The following FBN2 variants were observed in gnomAD, a reference collection of about 807,000 sequenced individuals.
FBN2 encodes fibrillin-2.
FBN2 carries 105 observed loss-of-function variants against 355.6 expected under a neutral mutation model. That is an observed-to-expected ratio of 0.30 (90% CI 0.25 to 0.35). FBN2 has a LOEUF of 0.35. Ranked by LOEUF, FBN2 falls within the 10% of genes least tolerant of loss-of-function variation. The probability of loss-of-function intolerance (pLI) is 1.00; values close to 1 mark genes in which losing one functional copy is unlikely to be tolerated. For missense variants in FBN2, 3,280 were observed against 3,758.7 expected (o/e 0.87, Z 3.33); for synonymous variants, 1,350 against 1,301.2 (o/e 1.04, Z -0.81).
chr5:128,324,567 T>C (rs1750488700), intron 34 of FBN2, among the ~76,000 whole-genome samples: 1 of 152,056 alleles, frequency 6.6e-6, no homozygotes, highest in Non-Finnish European at 1.5e-5. Context: ...CAGGAACAGG[T>C]TGTTCAGTTT....
chr5:128,312,513 C>T, intron 37 of FBN2, 121 bp downstream of exon 37: 1 of 1,038,182 alleles, frequency 9.6e-7, no homozygotes, highest in Non-Finnish European at 1.4e-6. Flanking sequence ...GAAAGTAGTT[C>T]AAATTCAGTT....
At chr5:128,354,958 G>A (rs907318834) in intron 20 of FBN2, among the ~76,000 whole-genome samples, 12 of 152,160 alleles carry the variant, frequency 7.9e-5, no homozygotes, top group African/African-American at 2.9e-4. Flanking sequence ...AAATGTGAGA[G>A]TCAACACAGA....
chr5:128,479,974 CTCTATATATATATATATATATA>C (rs1186359861), intron 5 of FBN2, among the ~76,000 whole-genome samples: 219 of 17,196 alleles, frequency 0.013, no homozygotes, highest in Admixed American at 0.042. Context: ...CTCTCTCTCT[CTCTATATATATATATATATATA>C]TATATATATA....
At chr5:128,341,488 A>G (rs954448944) in intron 25 of FBN2, among the ~76,000 whole-genome samples, 6 of 152,146 alleles carry the variant, frequency 3.9e-5, no homozygotes, top group Admixed American at 1.3e-4. Context: ...CCCGTCAGCT[A>G]TTGGTAGTGT....
chr5:128,432,659 G>A (rs527957337), intron 7 of FBN2, among the ~76,000 whole-genome samples: 6 of 152,212 alleles, frequency 3.9e-5, no homozygotes, highest in South Asian at 2.1e-4. Context: ...TGACTGGCTC[G>A]ATGACTTTAG....
At chr5:128,368,616 T>C (rs1459847903) in intron 16 of FBN2, among the ~76,000 whole-genome samples, 1 of 151,658 alleles carries the variant, frequency 6.6e-6, no homozygotes, top group African/African-American at 2.4e-5. Context: ...GAGGCTATCA[T>C]GTTCATGTAA....
intron 11 of FBN2, among the ~76,000 whole-genome samples, chr5:128,384,498 A>C (rs529159306): frequency 2.6e-5 from 4 of 152,222 alleles, no homozygotes; most frequent in African/African-American, 9.6e-5. Flanking sequence ...TCTGCACAAT[A>C]CTTCCATCAT....
chr5:128,395,104 T>G lies in FBN2; in HGVS notation c.1231+18A>C. ...CTAACAGTGTCTGTGCTGAGGAGAC[T>G]AACAGCCAGCCACGTACCAGAACCT... On this transcript the variant is annotated intron_variant, in intron 9 of 64. Coordinates refer to ENST00000262464, the MANE Select transcript of FBN2 (RefSeq NM_001999.4). 6.2e-7 allele frequency: 1 copy of G among 1,613,938 alleles called. No homozygotes were observed. The highest frequency in any genetic ancestry group is 2.2e-5 in the East Asian group (1 of 44,860).
Position 128,345,346 on chromosome 5 carries a change from C to T in FBN2, c.3217+11G>A. 1 of 1,609,654 alleles carries T rather than the reference C, an allele frequency of 6.2e-7. No individual in the cohort carries two copies. ...TGAAGAAGGACCAAGGCGCTGGCCGCAGGCAGTTACCTTTGTAAAATGGCC... is the reference window on the plus strand; with the variant it reads ...TGAAGAAGGACCAAGGCGCTGGCCGTAGGCAGTTACCTTTGTAAAATGGCC... On this transcript the variant is annotated intron_variant, in intron 24 of 64. Transcript: ENST00000262464.
At chr5:128,302,168 A>C (rs1233146375) in intron 46 of FBN2, among the ~76,000 whole-genome samples, 1 of 152,206 alleles carries the variant, frequency 6.6e-6, no homozygotes, top group African/African-American at 2.4e-5. Context: ...AGAGGAACTT[A>C]TGTTGGGTTA....
chr5:128,482,166 T>C (rs763983076), intron 5 of FBN2, among the ~76,000 whole-genome samples: 10 of 152,054 alleles, frequency 6.6e-5, no homozygotes, highest in Non-Finnish European at 8.8e-5. Flanking sequence ...TGATGAGCTA[T>C]GGAGAGAAAA....
intron 5 of FBN2, among the ~76,000 whole-genome samples, chr5:128,468,644 T>C (rs1254580202): frequency 1.3e-5 from 2 of 152,210 alleles, no homozygotes; most frequent in East Asian, 1.9e-4. Context: ...TCTACAATTT[T>C]TATTATAACC....
At chr5:128,475,430 G>C (rs1331025488) in intron 5 of FBN2, among the ~76,000 whole-genome samples, 3 of 152,102 alleles carry the variant, frequency 2.0e-5, no homozygotes, top group Non-Finnish European at 2.9e-5. Flanking sequence ...GATGGTCACT[G>C]CTTCAAGCTA....
chr5:128,328,856 TC>T, intron 33 of FBN2, 35 bp from the exon 34 acceptor site: 2 of 1,612,846 alleles, frequency 1.2e-6, no homozygotes, highest in Non-Finnish European at 1.7e-6. Flanking sequence ...TCTGTTAAGT[TC>T]CAAATTTCAT....
At chr5:128,438,892 G>A (rs1753845234) in intron 7 of FBN2, among the ~76,000 whole-genome samples, 1 of 152,068 alleles carries the variant, frequency 6.6e-6, no homozygotes, top group South Asian at 2.1e-4. Flanking sequence ...TTCCAAGCCA[G>A]ACAATTTCAC....
chr5:128,392,097 T>C lies in FBN2; in HGVS notation c.1524A>G (p.Gly508=). 4 of 1,613,368 alleles carry C rather than the reference T, an allele frequency of 2.5e-6. No homozygotes were observed. The highest frequency in any genetic ancestry group is 3.4e-6 in the Non-Finnish European group (4 of 1,179,364). ...AGCTTGAGACAGTTGGTATACAGCG[T>C]CCATTTAAACAAAGGTTAGCATGAT... ...CKHHANLCLN[G]RCIPTVSSYR... Residue 508 remains glycine, a synonymous_variant, in exon 11 of 65, where the codon GGA becomes GGG. Transcript: ENST00000262464.
intron 7 of FBN2, chr5:128,442,415 G>A (rs1382773893): frequency 4.4e-6 from 2 of 454,942 alleles, no homozygotes; most frequent in Admixed American, 2.4e-5. Flanking sequence ...AAAGAAAAAC[G>A]CTGAGCTGTC....
intron 5 of FBN2, among the ~76,000 whole-genome samples, chr5:128,487,699 AAAT>A (rs1170927662): frequency 5.9e-5 from 9 of 152,308 alleles, no homozygotes; most frequent in African/African-American, 2.2e-4. Context: ...ATTTAATTTA[AAAT>A]AATACATTAA....
chr5:128,351,038 T>C (rs1201044305), intron 20 of FBN2, 33 bp from the exon 21 acceptor site: 1 of 1,613,692 alleles, frequency 6.2e-7, no homozygotes, highest in Admixed American at 1.7e-5. Flanking sequence ...GGGGAGCTCT[T>C]ACCTCTGAAG....
Sources: allele counts gnomAD v4.1 joint callset (sites outside exome capture counted in the v4.1 genomes callset), GRCh38; gene constraint gnomAD v4.1.1; transcripts MANE v1.5; gene names NCBI Gene and HGNC (gene_info 2026-07-23, HGNC 2026-07-21).